The following NDUFAF2 variants were observed in gnomAD, a reference collection of about 807,000 sequenced individuals.
NDUFAF2 encodes the protein NADH dehydrogenase [ubiquinone] 1 alpha subcomplex assembly factor 2.
In NDUFAF2, 13 loss-of-function variants were observed where a neutral mutation model predicts 22.8. The ratio of observed to expected loss-of-function variants is 0.57; its 90% CI spans 0.37 to 0.91. The LOEUF (loss-of-function observed/expected upper bound fraction) is 0.91, where lower values mean the gene tolerates loss of function less well. Ranked by LOEUF, NDUFAF2 falls within the 40% of genes least tolerant of loss-of-function variation. NDUFAF2 has a pLI of 0.01. For synonymous variants in NDUFAF2, 53 were observed against 64.2 expected (o/e 0.83, Z 0.84); for missense variants, 162 against 195.2 (o/e 0.83, Z 1.01).
intron 1 of NDUFAF2, among the ~76,000 whole-genome samples, chr5:61,023,446 G>A (rs900615155): frequency 1.6e-4 from 24 of 152,002 alleles, no homozygotes; most frequent in Middle Eastern, 3.4e-3. Context: ...CTTTCTCCTC[G>A]TGATGGTTTC....
chr5:61,146,717 T>C (rs1484325712), intron 3 of NDUFAF2, among the ~76,000 whole-genome samples: 1 of 152,176 alleles, frequency 6.6e-6, no homozygotes, highest in Admixed American at 6.5e-5. Flanking sequence ...CTTAGATCTG[T>C]GAATTTATAT....
intron 2 of NDUFAF2, among the ~76,000 whole-genome samples, chr5:61,091,332 A>G (rs898452945): frequency 6.6e-6 from 1 of 152,112 alleles, no homozygotes; most frequent in Non-Finnish European, 1.5e-5. Context: ...TTTCTCTGCA[A>G]CCTTGCTAGT....
chr5:61,133,126 G>A (rs1753133477), intron 3 of NDUFAF2, among the ~76,000 whole-genome samples: 1 of 152,054 alleles, frequency 6.6e-6, no homozygotes, highest in Non-Finnish European at 1.5e-5. Flanking sequence ...TCCAAGTTTT[G>A]GTCAGTCACA....
intron 3 of NDUFAF2, among the ~76,000 whole-genome samples, chr5:61,110,897 ACTTTCAT>A (rs1165863638): frequency 6.6e-6 from 1 of 151,420 alleles, no homozygotes; most frequent in East Asian, 1.9e-4. Context: ...TAATTCTTTA[ACTTTCAT>A]TGTCAGGTTA....
At chr5:61,137,018 G>A (rs1281112457) in intron 3 of NDUFAF2, among the ~76,000 whole-genome samples, 2 of 152,178 alleles carry the variant, frequency 1.3e-5, no homozygotes, top group African/African-American at 2.4e-5. Flanking sequence ...AGAGAATATG[G>A]ATGAGGCATC....
chr5:61,028,590 T>C (rs1021327139), intron 1 of NDUFAF2, among the ~76,000 whole-genome samples: 1 of 152,118 alleles, frequency 6.6e-6, no homozygotes, highest in Non-Finnish European at 1.5e-5. Flanking sequence ...TATTTAACCT[T>C]TGATTAATGT....
intron 2 of NDUFAF2, among the ~76,000 whole-genome samples, chr5:61,077,921 A>G (rs937906698): frequency 6.6e-6 from 1 of 152,208 alleles, no homozygotes. Context: ...ATCAATAGCA[A>G]CTAGAACCCA....
chr5:61,122,309 G>A (rs1214066369), intron 3 of NDUFAF2, among the ~76,000 whole-genome samples: 1 of 152,126 alleles, frequency 6.6e-6, no homozygotes, highest in African/African-American at 2.4e-5. Flanking sequence ...CTCTTAAAAA[G>A]TTTGAAAACT....
chr5:61,033,690 T>C (rs2112611087), intron 1 of NDUFAF2, among the ~76,000 whole-genome samples: 1 of 152,172 alleles, frequency 6.6e-6, no homozygotes, highest in South Asian at 2.1e-4. Context: ...TCTCCTTAGG[T>C]AGAATATTTT....
intron 1 of NDUFAF2, among the ~76,000 whole-genome samples, chr5:60,978,152 C>T (rs1363661975): frequency 6.6e-6 from 1 of 152,096 alleles, no homozygotes; most frequent in African/African-American, 2.4e-5. Flanking sequence ...GAATGCAACA[C>T]AGGGTGGAAC....
At chr5:61,040,567 T>G (rs909037829) in intron 1 of NDUFAF2, among the ~76,000 whole-genome samples, 1 of 142,718 alleles carries the variant, frequency 7.0e-6, no homozygotes, top group Non-Finnish European at 1.5e-5. Context: ...TTTTTTGCCT[T>G]TTTTTTTGTA....
At chr5:60,968,192 C>T (rs1750782556) in intron 1 of NDUFAF2, among the ~76,000 whole-genome samples, 1 of 151,622 alleles carries the variant, frequency 6.6e-6, no homozygotes, top group African/African-American at 2.4e-5. Context: ...TGTTGCTTCC[C>T]CTTTCATTTC....
chr5:60,989,838 A>G (rs1751135065), intron 1 of NDUFAF2, among the ~76,000 whole-genome samples: 1 of 152,208 alleles, frequency 6.6e-6, no homozygotes, highest in Non-Finnish European at 1.5e-5. Context: ...CTGTACACCA[A>G]ACCCCCATGA....
At chr5:60,964,226 A>G (rs181202079) in intron 1 of NDUFAF2, among the ~76,000 whole-genome samples, 11 of 152,244 alleles carry the variant, frequency 7.2e-5, no homozygotes, top group East Asian at 5.8e-4. Flanking sequence ...AAATCAACCA[A>G]ATGTTACTGT....
Position 61,110,277 on chromosome 5 carries a change from C to CT in NDUFAF2, c.258+11256dup, listed in dbSNP as rs555239091. Among the ~76,000 whole-genome samples, 1,416 of 142,684 alleles carry CT rather than the reference C, an allele frequency of 9.9e-3. 25 individuals are homozygous for CT. Among genetic ancestry groups the CT allele is most frequent in the African/African-American group, 0.033 (1,320 of 39,556 alleles). The allele number at this position is 142,684 out of a possible 152,430, so 93.6% of individuals were successfully genotyped here. ...GTTTTCTTTTCTTCTTCTTCTTCTTCTTTTTTTTTTTAAATGTATCTTTGT... is the reference window on the plus strand; with the variant it reads ...GTTTTCTTTTCTTCTTCTTCTTCTTCTTTTTTTTTTTTAAATGTATCTTTGT... On this transcript the variant is annotated intron_variant, in intron 3 of 3. Transcript: ENST00000296597.
chr5:61,069,947 C>T (rs34425764), intron 1 of NDUFAF2, among the ~76,000 whole-genome samples: 20,889 of 151,926 alleles, frequency 0.14, 1,772 homozygotes, highest in South Asian at 0.26. Context: ...TCTTTAAATA[C>T]ATAGATTATT....
At chr5:61,066,180 A>G (rs2111721677) in intron 1 of NDUFAF2, among the ~76,000 whole-genome samples, 1 of 152,120 alleles carries the variant, frequency 6.6e-6, no homozygotes, top group East Asian at 1.9e-4. Context: ...ACCAAAAACT[A>G]TAAAACATTG....
chr5:60,995,878 A>G (rs1482735478), intron 1 of NDUFAF2, among the ~76,000 whole-genome samples: 1 of 152,166 alleles, frequency 6.6e-6, no homozygotes, highest in Non-Finnish European at 1.5e-5. Context: ...TCAAACCACA[A>G]GATTCAGTCC....
intron 3 of NDUFAF2, chr5:61,145,741 A>G (rs1741128577): frequency 6.6e-6 from 1 of 152,246 alleles, no homozygotes; most frequent in African/African-American, 2.4e-5. Flanking sequence ...GGTCATTCAT[A>G]ACATATACAT....
Sources: allele counts gnomAD v4.1 joint callset (sites outside exome capture counted in the v4.1 genomes callset), GRCh38; gene constraint gnomAD v4.1.1; transcripts MANE v1.5; gene names NCBI Gene and HGNC (gene_info 2026-07-23, HGNC 2026-07-21).